The following FCRLB variants were observed in gnomAD, a reference collection of about 807,000 sequenced individuals.
FCRLB encodes the protein Fc receptor-like B.
In FCRLB, 34 loss-of-function variants were observed where a neutral mutation model predicts 33.6. That is an observed-to-expected ratio of 1.01 (90% confidence interval 0.77 to 1.35). The LOEUF is 1.35. FCRLB is among the 40% of genes most tolerant of loss of function. FCRLB has a pLI of 0.00. For missense variants in FCRLB, 560 were observed against 580.2 expected, an observed-to-expected ratio of 0.97 and a Z score of 0.36; for synonymous variants, 280 against 255.9, an observed-to-expected ratio of 1.09 and a Z score of -0.90.
Position 161,726,564 on chromosome 1 carries a change from C to A in FCRLB, c.575-139C>A. 1 of 1,209,768 alleles carries A rather than the reference C, an allele frequency of 8.3e-7. No individual in the cohort carries two copies. The highest frequency in any genetic ancestry group is 1.2e-6 in the Non-Finnish European group (1 of 849,716). The allele number at this position is 1,209,768 out of a possible 1,614,324, so 74.9% of individuals were successfully genotyped here. A position where few individuals can be genotyped will look rare whatever the true frequency, so the allele number is the denominator to read the frequency against. ...CCCACATTTCAGAAGGCTCCCCTTC[C>A]CCCTCCACGTGGACACACGGCCTCC... On this transcript the variant is annotated intron_variant, in intron 6 of 7. Transcript: ENST00000367948. This position sits in a 1 kb window ranked among gnomAD's most constrained non-coding sequence, Gnocchi z 5.2.
At chr1:161,727,787 C>G in exon 8 of FCRLB, 1 of 1,243,174 alleles carries the variant, frequency 8.0e-7, no homozygotes. Flanking sequence ...AAAGGAGCGC[C>G]CACGAAGTGT....
chr1:161,727,744 CT>C, exon 8 of FCRLB: 1 of 1,450,196 alleles, frequency 6.9e-7, no homozygotes, highest in Non-Finnish European at 9.2e-7. Context: ...TCAAAGCCAT[CT>C]GTTTGCATCC....
At chr1:161,722,060 A>C (rs577662919) in intron 2 of FCRLB, among the ~76,000 whole-genome samples, 2 of 152,358 alleles carry the variant, frequency 1.3e-5, no homozygotes, top group East Asian at 3.9e-4. Context: ...TTGCATTTCT[A>C]TCCTTGACTG....
At chr1:161,723,824 C>T (rs1204915486) in intron 5 of FCRLB, among the ~76,000 whole-genome samples, 3 of 152,178 alleles carry the variant, frequency 2.0e-5, no homozygotes, top group Admixed American at 1.3e-4. Context: ...CCCCAAGGTC[C>T]CCTTACCCTC....
chr1:161,723,565 G>T (rs759544448), exon 5 of FCRLB: 2 of 1,614,048 alleles, frequency 1.2e-6, no homozygotes, highest in Non-Finnish European at 1.7e-6. Context: ...GGGGTGTATC[G>T]ATGCCAGACA....
chr1:161,727,086 C>T, intron 7 of FCRLB, 93 bp downstream of exon 7: 1 of 735,086 alleles, frequency 1.4e-6, no homozygotes, highest in Non-Finnish European at 1.8e-6. Flanking sequence ...CCCCCTGGTT[C>T]CCGTCCCGCC....
chr1:161,727,583 T>C (rs1683642730), exon 8 of FCRLB: 1 of 1,613,920 alleles, frequency 6.2e-7, no homozygotes. Context: ...CTCCGGGAGC[T>C]CAGGGGAACG....
rs751952451 is a variant in FCRLB at position 161,726,659 on chromosome 1, AGCG to A, written c.575-42_575-40del. 1.0e-5 allele frequency: 16 copies of A among 1,555,752 alleles called. No homozygotes were observed. In the Admixed American group the frequency reaches 1.7e-4, roughly 16 times the overall value. The stretch of plus-strand genomic sequence containing the variant: ...GAAGCAGGAAGGAGCGGGGTCGCGG[AGCG>A]GTGGACAAGCCGGCGCCGTTGCTCC... On this transcript the variant is annotated intron_variant, in intron 6 of 7. Coordinates refer to ENST00000367948, the Ensembl canonical transcript of FCRLB. The surrounding 1 kb of genome is among the most constrained non-coding windows in gnomAD (Gnocchi z 5.2).
exon 8 of FCRLB, chr1:161,728,004 T>G: frequency 4.5e-6 from 1 of 221,862 alleles, no homozygotes; most frequent in Non-Finnish European, 9.0e-6. Context: ...TTTAAGTACA[T>G]TGAGGTAACT....
chr1:161,722,908 C>T (rs981480513), intron 3 of FCRLB, 81 bp from the exon 4 acceptor site: 25 of 1,593,398 alleles, frequency 1.6e-5, no homozygotes, highest in Non-Finnish European at 2.1e-5. Flanking sequence ...ACCATTCAGC[C>T]TTTCTTGTCG....
rs1683439195 is a variant in FCRLB, at chr1:161,723,408, AC to A, written c.96del (p.Thr33ProfsTer8). 6.2e-7 allele frequency: 1 copy of A among 1,613,972 alleles called. No individual in the cohort carries two copies. The highest frequency in any genetic ancestry group is 8.5e-7 in the Non-Finnish European group (1 of 1,180,018). The stretch of plus-strand genomic sequence containing the variant: ...CATATTGTCTCTACATCCACCTTGG[AC>A]CACCATCTTCAAAGGGGAGCGGGTA... On this transcript the variant is annotated frameshift_variant, in exon 5 of 8. Transcript: ENST00000367948. LOFTEE classifies it high-confidence loss of function.
chr1:161,723,054 T>C (rs944062059), intron 4 of FCRLB, 45 bp downstream of exon 4: 12 of 1,611,382 alleles, frequency 7.4e-6, no homozygotes, highest in Non-Finnish European at 1.0e-5. Context: ...CAGCTTCCAC[T>C]CCAACCCCCT....
rs1683579182 is a variant in FCRLB, at chr1:161,726,668, C to A, written c.575-35C>A. 2.6e-6 allele frequency: 4 copies of A among 1,562,224 alleles called. No individual in the cohort carries two copies. The highest frequency in any genetic ancestry group is 2.6e-6 in the Non-Finnish European group (3 of 1,161,510). ...AGGAGCGGGGTCGCGGAGCGGTGGA[C>A]AAGCCGGCGCCGTTGCTCCCCGCCC... On this transcript the variant is annotated intron_variant, in intron 6 of 7. Coordinates refer to ENST00000367948, the Ensembl canonical transcript of FCRLB. The surrounding 1 kb of genome is among the most constrained non-coding windows in gnomAD (Gnocchi z 5.2).
chr1:161,723,438 T>C (rs1388358192), exon 5 of FCRLB: 1 of 1,614,142 alleles, frequency 6.2e-7, no homozygotes, highest in South Asian at 1.1e-5. Flanking sequence ...GCGGGTAACT[T>C]TGAAGTGTGA....
intron 7 of FCRLB, 62 bp downstream of exon 7, chr1:161,727,055 G>C (rs1400663264): frequency 6.3e-6 from 9 of 1,422,050 alleles, no homozygotes; most frequent in Non-Finnish European, 7.3e-6. Context: ...TCCGCCTCTC[G>C]GCACCCACGA....
At chr1:161,727,080 C>CG (rs1683608901) in intron 7 of FCRLB, 87 bp downstream of exon 7, 2 of 1,315,240 alleles carry the variant, frequency 1.5e-6, no homozygotes, top group Non-Finnish European at 1.9e-6. Flanking sequence ...CCCCCGCCCC[C>CG]TGGTTCCCGT....
chr1:161,725,844 T>C (rs764672526), exon 6 of FCRLB: 3 of 1,612,350 alleles, frequency 1.9e-6, no homozygotes, highest in Non-Finnish European at 2.5e-6. Flanking sequence ...GCAAGTGCCC[T>C]ATGCGCCAGT....
At chr1:161,723,775 C>A (rs530570871) in intron 5 of FCRLB, among the ~76,000 whole-genome samples, 154 bp downstream of exon 5, 132 of 152,320 alleles carry the variant, frequency 8.7e-4, no homozygotes, top group Non-Finnish European at 1.5e-3. Context: ...TAGGGACCTG[C>A]ACGGCACTAT....
chr1:161,727,204 G>A (rs1157994394), intron 7 of FCRLB, 43 bp from the exon 8 acceptor site: 5 of 1,465,808 alleles, frequency 3.4e-6, no homozygotes, highest in Non-Finnish European at 4.6e-6. Flanking sequence ...GCGCCGAGAA[G>A]AACCATGCAA....
Sources: allele counts gnomAD v4.1 joint callset (sites outside exome capture counted in the v4.1 genomes callset), GRCh38; gene constraint gnomAD v4.1.1; non-coding constraint Gnocchi (gnomAD v3.1); transcripts MANE v1.5; gene names NCBI Gene and HGNC (gene_info 2026-07-23, HGNC 2026-07-21).